The following DMXL1 variants were observed in gnomAD, a reference collection of about 807,000 sequenced individuals.
DMXL1 encodes Dmx like 1, also known as dmX-like protein 1.
Under a neutral mutation model 319.2 loss-of-function variants are expected in DMXL1, and 99 were observed. The ratio of observed to expected loss-of-function variants is 0.31; its 90% CI spans 0.26 to 0.37. DMXL1 has a LOEUF of 0.37. DMXL1 is among the 10% of genes least tolerant of loss of function. The pLI, the probability that DMXL1 is intolerant of heterozygous loss-of-function variation, is 1.00. For synonymous variants in DMXL1, 1,385 were observed against 1,235.2 expected (o/e 1.12, Z -2.54); for missense variants, 3,745 against 3,595.6 (o/e 1.04, Z -1.06).
At chr5:119,206,932 A>T in intron 34 of DMXL1, 36 bp downstream of exon 34, 2 of 1,282,398 alleles carry the variant, frequency 1.6e-6, no homozygotes, top group Non-Finnish European at 2.2e-6. Flanking sequence ...TAAAAATTGC[A>T]TTCTTTCACA....
chr5:119,134,914 C>G (rs1055041348), intron 13 of DMXL1, among the ~76,000 whole-genome samples: 1 of 152,202 alleles, frequency 6.6e-6, no homozygotes, highest in African/African-American at 2.4e-5. Flanking sequence ...AGCGTTTCCA[C>G]TTTTCTGGTT....
intron 4 of DMXL1, among the ~76,000 whole-genome samples, chr5:119,107,193 T>C (rs1480438836): frequency 6.6e-6 from 1 of 151,852 alleles, no homozygotes; most frequent in African/African-American, 2.4e-5. Flanking sequence ...TTTGAAAAGT[T>C]AGTCAGGCTT....
chr5:119,215,430 C>T (rs1380666676), intron 34 of DMXL1, among the ~76,000 whole-genome samples: 2 of 152,142 alleles, frequency 1.3e-5, no homozygotes, highest in Non-Finnish European at 2.9e-5. Context: ...GCCTCAGCCA[C>T]TCAAGTAGCT....
chr5:119,238,611 G>A (rs1788182143), intron 40 of DMXL1, among the ~76,000 whole-genome samples: 1 of 152,176 alleles, frequency 6.6e-6, no homozygotes, highest in East Asian at 1.9e-4. Context: ...CTAGGAGAAG[G>A]TCTTTAAGTT....
chr5:119,119,851 T>C (rs1429635965), intron 8 of DMXL1, among the ~76,000 whole-genome samples: 1 of 151,862 alleles, frequency 6.6e-6, no homozygotes, highest in African/African-American at 2.4e-5. Context: ...ATTTTATTTT[T>C]TGTGGATTTT....
At chr5:119,132,926 C>G in intron 10 of DMXL1, 1 of 610,446 alleles carries the variant, frequency 1.6e-6, no homozygotes, top group Non-Finnish European at 2.9e-6. Context: ...TTAAGCATTA[C>G]ATTTACTGGT....
At chr5:119,094,869 T>TA (rs1491553143) in intron 1 of DMXL1, among the ~76,000 whole-genome samples, 1 of 151,188 alleles carries the variant, frequency 6.6e-6, no homozygotes, top group Admixed American at 6.6e-5. Flanking sequence ...TTTTTTTTTT[T>TA]AATTTTTTAT....
intron 25 of DMXL1, 70 bp downstream of exon 25, chr5:119,172,039 C>CT (rs745395321): frequency 3.7e-4 from 511 of 1,369,688 alleles, no homozygotes; most frequent in Non-Finnish European, 4.1e-4. Flanking sequence ...AATATTAAGG[C>CT]TTTTTTTTAA....
At chr5:119,195,528 T>G (rs2150401580) in intron 30 of DMXL1, among the ~76,000 whole-genome samples, 1 of 152,186 alleles carries the variant, frequency 6.6e-6, no homozygotes, top group African/African-American at 2.4e-5. Flanking sequence ...CCTAGAATAG[T>G]GAAATACATA....
At chr5:119,139,933 A>G (rs1196084248) in intron 13 of DMXL1, among the ~76,000 whole-genome samples, 1 of 152,232 alleles carries the variant, frequency 6.6e-6, no homozygotes, top group Non-Finnish European at 1.5e-5. Flanking sequence ...CTGTTGGACC[A>G]CAGTGCAATA....
intron 10 of DMXL1, among the ~76,000 whole-genome samples, chr5:119,130,591 C>T (rs1385524579): frequency 1.9e-4 from 29 of 152,124 alleles, no homozygotes; most frequent in Non-Finnish European, 1.5e-5. Flanking sequence ...GATCCATCCA[C>T]CTGGGCCTCC....
intron 18 of DMXL1, 53 bp downstream of exon 18, chr5:119,150,474 A>G: frequency 3.3e-6 from 5 of 1,503,068 alleles, no homozygotes; most frequent in Non-Finnish European, 4.4e-6. Context: ...ACAGAAAATA[A>G]TTTTAAATAA....
intron 28 of DMXL1, among the ~76,000 whole-genome samples, chr5:119,184,506 T>C (rs765090966): frequency 4.6e-5 from 7 of 152,232 alleles, no homozygotes; most frequent in African/African-American, 1.4e-4. Flanking sequence ...TTATTATGAC[T>C]AAAAACACAT....
In DMXL1 at chr5:119,149,194, G is replaced by C. The variant is rs757195330; in HGVS notation, c.3367G>C (p.Asp1123His). The change falls in exon 18 of 44, where the codon GAC becomes CAC. Residue 1123 changes from aspartate (D) to histidine (H), a missense_variant. Around this residue, in one of 4 missense-constraint regions of DMXL1, gnomAD observed 2,096 missense variants for 1,985.4 expected, o/e 1.06. Coordinates refer to ENST00000539542, the MANE Select transcript of DMXL1 (RefSeq NM_001290321.3). ...CAATTTAGTGGCCTATAATAAACAA[G>C]ACATGTATTTATCTAGTAAAGAGAA... ...DSNLVAYNKQ[D>H]MYLSSKENIT... 1.2e-6 allele frequency: 2 copies of C among 1,613,686 alleles called. No individual in the cohort carries two copies. The highest frequency in any genetic ancestry group is 8.5e-7 in the Non-Finnish European group (1 of 1,179,820).
intron 9 of DMXL1, among the ~76,000 whole-genome samples, chr5:119,122,822 G>A (rs1441512983): frequency 6.6e-6 from 1 of 150,870 alleles, no homozygotes; most frequent in Non-Finnish European, 1.5e-5. Flanking sequence ...TTTCCAGACT[G>A]GGCAGCCAGG....
intron 31 of DMXL1, among the ~76,000 whole-genome samples, chr5:119,196,846 C>G (rs1189973796): frequency 6.6e-6 from 1 of 152,078 alleles, no homozygotes; most frequent in South Asian, 2.1e-4. Context: ...AGTGATTCTG[C>G]TATGAACTAT....
At chr5:119,185,825 A>G (rs1421373091) in intron 28 of DMXL1, among the ~76,000 whole-genome samples, 2 of 151,648 alleles carry the variant, frequency 1.3e-5, no homozygotes, top group Non-Finnish European at 2.9e-5. Context: ...TTTAATCACT[A>G]ATCTTATTCT....
chr5:119,126,195 A>G (rs1218816145), intron 9 of DMXL1, among the ~76,000 whole-genome samples: 3 of 152,172 alleles, frequency 2.0e-5, no homozygotes, highest in Non-Finnish European at 4.4e-5. Context: ...AGGCAGGAGA[A>G]TCGCTTGAAC....
chr5:119,140,623 A>G (rs778710980), intron 13 of DMXL1, among the ~76,000 whole-genome samples: 4 of 152,046 alleles, frequency 2.6e-5, no homozygotes, highest in Non-Finnish European at 2.9e-5. Flanking sequence ...TAAATAGCCT[A>G]CCAACCGAAA....
Sources: allele counts gnomAD v4.1 joint callset (sites outside exome capture counted in the v4.1 genomes callset), GRCh38; gene constraint gnomAD v4.1.1; regional missense constraint gnomAD v4.1.1; transcripts MANE v1.5; gene names NCBI Gene and HGNC (gene_info 2026-07-23, HGNC 2026-07-21).